Variants in KIAA0319 observed in about 807,000 individuals in gnomAD.
KIAA0319 encodes dyslexia-associated protein KIAA0319.
In KIAA0319, 83 loss-of-function variants were observed where a neutral mutation model predicts 108.4. The observed-to-expected ratio is 0.77, with a 90% CI of 0.64 to 0.92. The LOEUF (loss-of-function observed/expected upper bound fraction) is 0.92. Among genes scored for constraint, KIAA0319 ranks in the 40% least tolerant of loss-of-function variants. The probability of loss-of-function intolerance (pLI) is 0.00; values close to 1 mark genes in which losing one functional copy is unlikely to be tolerated. For missense variants in KIAA0319, 1,195 were observed against 1,322.4 expected (o/e 0.90, Z 1.49); for synonymous variants, 484 against 510.4 (o/e 0.95, Z 0.70).
chr6:24,542,249 T>C (rs1362322618), downstream of KIAA0319, among the ~76,000 whole-genome samples: 1 of 152,242 alleles, frequency 6.6e-6, no homozygotes, highest in African/African-American at 2.4e-5. Flanking sequence ...TCTCAGTAAA[T>C]ACACAACTCT....
Position 24,599,719 on chromosome 6 carries a change from T to C in KIAA0319, c.55+1330A>G, listed in dbSNP as rs1770319637. 3 of 577,772 alleles carry C rather than the reference T, an allele frequency of 5.2e-6. No individual in the cohort carries two copies. Among genetic ancestry groups the C allele is most frequent in the South Asian group, 1.7e-5 (1 of 59,042 alleles). The allele number at this position is 577,772 out of a possible 1,614,324, so 35.8% of individuals were successfully genotyped here. ...AGCAGCACCAACTCCTTCAGGGCCA[T>C]GGTTGTGAAGAAGATCGAGATTTGT... On this transcript the variant is annotated intron_variant, in intron 2 of 20. Coordinates refer to ENST00000378214, the MANE Select transcript of KIAA0319 (RefSeq NM_014809.4). This position sits in a 1 kb window ranked among gnomAD's most constrained non-coding sequence, Gnocchi z 4.1.
chr6:24,596,465 G>C lies in KIAA0319; in HGVS notation c.209C>G (p.Ala70Gly). ...ACCDLSSCDL[A>G]WWFEGRCYLV... ...GTAGCAGCGGCCCTCGAACCACCAG[G>C]CCAGGTCACAGCTGGACAGGTCACA... The change falls in exon 3 of 21, where the codon GCC (alanine) becomes GGC (glycine). Residue 70 changes from alanine to glycine, a missense_variant. Transcript: ENST00000378214. The C allele has an allele frequency of 6.2e-7, 1 of 1,614,192 alleles. No homozygotes were observed. Among genetic ancestry groups the C allele is most frequent in the Non-Finnish European group, 8.5e-7 (1 of 1,180,040 alleles).
intron 3 of KIAA0319, among the ~76,000 whole-genome samples, chr6:24,593,127 G>A (rs551846048): frequency 6.6e-6 from 1 of 152,010 alleles, no homozygotes; most frequent in East Asian, 1.9e-4. Context: ...AATAATTCTT[G>A]TCTATAGACA....
chr6:24,589,045 T>C (rs1768017454), intron 3 of KIAA0319, among the ~76,000 whole-genome samples: 1 of 152,104 alleles, frequency 6.6e-6, no homozygotes, highest in Admixed American at 6.5e-5. Flanking sequence ...GAGAAAGTAA[T>C]TATAGTAGCC....
At chr6:24,630,120 C>T (rs961535482) in intron 1 of KIAA0319, among the ~76,000 whole-genome samples, 5 of 145,956 alleles carry the variant, frequency 3.4e-5, no homozygotes, top group African/African-American at 7.6e-5. Flanking sequence ...TGGAGGTTGC[C>T]GTGAGAAGAG....
At chr6:24,549,423 T>C (rs1207505557) in intron 20 of KIAA0319, among the ~76,000 whole-genome samples, 2 of 151,566 alleles carry the variant, frequency 1.3e-5, no homozygotes, top group South Asian at 2.1e-4. Context: ...GAAGCGGCCC[T>C]GCCCAGATGT....
intron 20 of KIAA0319, among the ~76,000 whole-genome samples, chr6:24,550,449 T>G (rs1485223443): frequency 6.6e-6 from 1 of 152,226 alleles, no homozygotes; most frequent in Non-Finnish European, 1.5e-5. Flanking sequence ...GAATCGGTGT[T>G]TAGCAGCCTC....
rs1475229909 is a variant in KIAA0319, at chr6:24,599,211, G to GA, written c.55+1837dup. 1 of 524,210 alleles carries GA rather than the reference G, an allele frequency of 1.9e-6. No homozygotes were observed. The highest frequency in any genetic ancestry group is 1.9e-5 in the African/African-American group (1 of 52,124). The allele number at this position is 524,210 out of a possible 1,614,324, so 32.5% of individuals were successfully genotyped here. On this transcript the variant is annotated intron_variant, in intron 2 of 20. Transcript: ENST00000378214. This position sits in a 1 kb window ranked among gnomAD's most constrained non-coding sequence, Gnocchi z 4.1. ...TGACAGCCTGTACCAGGTCAAGTATGAGGAGCTGCAGGCACTGGCTGGGAA... is the reference window on the plus strand; with the variant it reads ...TGACAGCCTGTACCAGGTCAAGTATGAAGGAGCTGCAGGCACTGGCTGGGAA...
intron 18 of KIAA0319, among the ~76,000 whole-genome samples, chr6:24,555,858 C>T (rs1021624656): frequency 6.6e-6 from 1 of 152,316 alleles, no homozygotes; most frequent in Non-Finnish European, 1.5e-5. Flanking sequence ...CAGAAAATCA[C>T]ACTGAGCCTA....
Position 24,645,129 on chromosome 6 carries a change from CT to C in KIAA0319, c.-106+606del, listed in dbSNP as rs1777452313. Among the ~76,000 whole-genome samples, 3 of 152,130 alleles carry C rather than the reference CT, an allele frequency of 2.0e-5. No individual in the cohort carries two copies. In the South Asian group the frequency reaches 6.2e-4, roughly 31 times the overall value. On this transcript the variant is annotated intron_variant, in intron 1 of 20. Transcript: ENST00000378214. ...GAACATTGTCTACAATTTATTTTTT[CT>C]GTTACTATCAAAAACATCATTCAAC... is the stretch of plus-strand genomic sequence containing the variant.
intron 9 of KIAA0319, among the ~76,000 whole-genome samples, chr6:24,577,252 G>C (rs1582025815): frequency 6.6e-6 from 1 of 152,300 alleles, no homozygotes; most frequent in East Asian, 1.9e-4. Context: ...AAATGGATCA[G>C]GTTTAAGTTC....
At chr6:24,557,022 T>C (rs913402818) in intron 17 of KIAA0319, among the ~76,000 whole-genome samples, 5 of 152,288 alleles carry the variant, frequency 3.3e-5, no homozygotes, top group Admixed American at 2.6e-4. Flanking sequence ...CTGACCAACA[T>C]GGTGAAACCC....
At chr6:24,625,012 C>CTA (rs1007610901) in intron 1 of KIAA0319, among the ~76,000 whole-genome samples, 1 of 152,238 alleles carries the variant, frequency 6.6e-6, no homozygotes, top group African/African-American at 2.4e-5. Flanking sequence ...CTACAGTGAG[C>CTA]TATAGCTGCA....
chr6:24,630,335 C>G (rs935522760), intron 1 of KIAA0319, among the ~76,000 whole-genome samples: 3 of 151,062 alleles, frequency 2.0e-5, no homozygotes, highest in Admixed American at 6.6e-5. Context: ...ATGGTGAAAC[C>G]CTTTCTCTAT....
At chr6:24,590,838 C>A (rs1490334509) in intron 3 of KIAA0319, among the ~76,000 whole-genome samples, 1 of 152,190 alleles carries the variant, frequency 6.6e-6, no homozygotes, top group Non-Finnish European at 1.5e-5. Context: ...CCACCCACAA[C>A]CTCCACCACA....
At chr6:24,574,449 T>C (rs1402508263) in intron 10 of KIAA0319, among the ~76,000 whole-genome samples, 1 of 152,096 alleles carries the variant, frequency 6.6e-6, no homozygotes, top group East Asian at 1.9e-4. Context: ...AATAAATAAA[T>C]AATATAATTT....
chr6:24,571,196 G>GAA (rs376462056), intron 11 of KIAA0319, among the ~76,000 whole-genome samples: 1 of 140,278 alleles, frequency 7.1e-6, no homozygotes, highest in African/African-American at 2.6e-5. Context: ...TGTCTCGAGG[G>GAA]AAAAAAAAAA....
Position 24,545,500 on chromosome 6 carries a change from T to C in KIAA0319, c.*1665A>G, listed in dbSNP as rs1252556091. ...AACCCTGGTCACCTGATAAGGCAGA[T>C]TCTAGGCTTATGAAGCTCAATACTG... On this transcript the variant is annotated 3_prime_UTR_variant, in exon 21 of 21. Transcript: ENST00000378214. 5 of 152,158 alleles carry C rather than the reference T, an allele frequency of 3.3e-5. No individual in the cohort carries two copies. The highest frequency in any genetic ancestry group is 7.3e-5 in the Non-Finnish European group (5 of 68,028). The allele number at this position is 152,158 out of a possible 1,614,324, so 9.4% of individuals were successfully genotyped here.
At position 24,620,912 on chromosome 6, in the gene KIAA0319, C is replaced by T. The variant is rs111837037; in HGVS notation, c.-105-19704G>A. On this transcript the variant is annotated intron_variant, in intron 1 of 20. Transcript: ENST00000378214. ...ACAAACATTCATTCTATAATAGCAC[C>T]TATGCGTATGCCTAGGAATGCAGCT... is the stretch of plus-strand genomic sequence containing the variant. Among the ~76,000 whole-genome samples, 182 of 152,294 alleles carry T rather than the reference C, an allele frequency of 1.2e-3. 1 individual carries two copies. The highest frequency in any genetic ancestry group is 3.9e-3 in the African/African-American group (163 of 41,550).
Sources: allele counts gnomAD v4.1 joint callset (sites outside exome capture counted in the v4.1 genomes callset), GRCh38; gene constraint gnomAD v4.1.1; non-coding constraint Gnocchi (gnomAD v3.1); transcripts MANE v1.5; gene names NCBI Gene and HGNC (gene_info 2026-07-23, HGNC 2026-07-21).